Variants in IRGM observed in about 807,000 individuals in gnomAD.
The protein encoded by IRGM is immunity-related GTPase family M protein.
For missense variants in IRGM, 288 were observed against 219.9 expected, an observed-to-expected ratio of 1.31 and a Z score of -1.96; for synonymous variants, 98 against 80.6, an observed-to-expected ratio of 1.22 and a Z score of -1.16.
chr5:150,857,568 C>T (rs1240693903), intron 1 of IRGM, among the ~76,000 whole-genome samples: 2 of 151,198 alleles, frequency 1.3e-5, no homozygotes, highest in Non-Finnish European at 3.0e-5. Context: ...GTTCCTATTT[C>T]TCCACATCCT....
chr5:150,850,050 T>C (rs1301823988), downstream of IRGM, among the ~76,000 whole-genome samples: 1 of 152,214 alleles, frequency 6.6e-6, no homozygotes, highest in Non-Finnish European at 1.5e-5. Context: ...GTATAGATGG[T>C]AAAAGCATTC....
At chr5:150,868,769 T>C (rs1754240897) in intron 1 of IRGM, among the ~76,000 whole-genome samples, 1 of 152,176 alleles carries the variant, frequency 6.6e-6, no homozygotes, top group Admixed American at 6.5e-5. Flanking sequence ...ACATTCTTGA[T>C]TTGATTATCA....
At chr5:150,897,997 A>G in intron 3 of IRGM, 1 of 1,534,484 alleles carries the variant, frequency 6.5e-7, no homozygotes. Flanking sequence ...AGATTTTGAT[A>G]AGGATAGAAA....
chr5:150,888,994 A>T (rs570502488), intron 3 of IRGM, among the ~76,000 whole-genome samples: 2 of 152,024 alleles, frequency 1.3e-5, no homozygotes, highest in East Asian at 3.9e-4. Context: ...TATTATGTCT[A>T]TTCATGTTTC....
downstream of IRGM, among the ~76,000 whole-genome samples, chr5:150,848,897 C>G (rs1450406606): frequency 6.6e-6 from 1 of 152,040 alleles, no homozygotes; most frequent in Admixed American, 6.6e-5. Context: ...AACTCTCCAC[C>G]AGGTGCTAAA....
At chr5:150,887,400 A>G (rs1410628453) in intron 3 of IRGM, among the ~76,000 whole-genome samples, 1 of 152,056 alleles carries the variant, frequency 6.6e-6, no homozygotes, top group African/African-American at 2.4e-5. Context: ...AATAGGAAAG[A>G]ATTAAAAGGA....
rs1354786202 is a variant in IRGM at position 150,846,526 on chromosome 5, C to T, written c.-1110C>T. On this transcript the variant is annotated 5_prime_UTR_variant, in exon 1 of 2. Transcript: ENST00000522154. ...AGGCTGCCCGAACCAGCAGTGGTAA[C>T]CTGCTCAGGTCCCCTTCCATGCTGT... 4 of 152,242 alleles carry T rather than the reference C, an allele frequency of 2.6e-5. No individual in the cohort carries two copies. Among genetic ancestry groups the T allele is most frequent in the Admixed American group, 6.5e-5 (1 of 15,284 alleles). 9.4% of individuals were successfully genotyped at this position (152,242 alleles called of 1,614,324 possible).
intron 1 of IRGM, among the ~76,000 whole-genome samples, chr5:150,871,827 C>T (rs1754286901): frequency 6.6e-6 from 1 of 152,312 alleles, no homozygotes; most frequent in Middle Eastern, 3.4e-3. Context: ...CATTGTCTAA[C>T]CTCATAATAA....
At chr5:150,901,370 T>A (rs1754989784), downstream of IRGM, among the ~76,000 whole-genome samples, 1 of 152,202 alleles carries the variant, frequency 6.6e-6, no homozygotes, top group African/African-American at 2.4e-5. Flanking sequence ...TAAAAACTAC[T>A]AGTGAGTTTT....
At chr5:150,899,248 TC>T (rs1458669126) in intron 3 of IRGM, among the ~76,000 whole-genome samples, 3 of 152,034 alleles carry the variant, frequency 2.0e-5, no homozygotes, top group Non-Finnish European at 4.4e-5. Flanking sequence ...GTCACAGCAA[TC>T]CTAGCAAACC....
rs114407816 is a variant in IRGM at position 150,882,875 on chromosome 5, C to G, written c.*140+3229C>G. Among the ~76,000 whole-genome samples, 1,059 of 152,246 alleles carry G rather than the reference C, an allele frequency of 7.0e-3. 16 individuals carry two copies. The highest frequency in any genetic ancestry group is 0.024 in the African/African-American group (1,010 of 41,562). On this transcript the variant is annotated intron_variant and NMD_transcript_variant, in intron 3 of 3. Coordinates refer to the IRGM transcript ENST00000520549. Reference sequence around the variant, plus strand: ...TACACTTTAGACCAAAGGGACCTAACAGACATATACAGAAAATTTCATCCA... The same window carrying G: ...TACACTTTAGACCAAAGGGACCTAAGAGACATATACAGAAAATTTCATCCA...
At position 150,895,692 on chromosome 5, in the gene IRGM, G is replaced by A. The variant is rs201176485; in HGVS notation, c.*141-4897G>A. On this transcript the variant is annotated intron_variant and NMD_transcript_variant, in intron 3 of 3. Coordinates refer to the IRGM transcript ENST00000520549. ...AGTACATATATAAGGTTTTTCTCCT[G>A]TGTGAATTCTCTGATGTCCAATGAG... 347 of 1,613,466 alleles carry A rather than the reference G, an allele frequency of 2.2e-4. No homozygotes were observed. The highest frequency in any genetic ancestry group is 2.8e-4 in the Non-Finnish European group (325 of 1,179,808).
At chr5:150,871,061 AC>A (rs1754276321) in intron 1 of IRGM, among the ~76,000 whole-genome samples, 1 of 152,160 alleles carries the variant, frequency 6.6e-6, no homozygotes, top group Admixed American at 6.5e-5. Context: ...GATTTTGACT[AC>A]TTAAGGGGCT....
intron 1 of IRGM, among the ~76,000 whole-genome samples, chr5:150,867,673 C>A (rs11958265): frequency 0.029 from 4,327 of 151,818 alleles, 152 homozygotes; most frequent in South Asian, 0.076. Context: ...TTATAGTCAT[C>A]CTTGCAGGAG....
intron 1 of IRGM, among the ~76,000 whole-genome samples, chr5:150,862,241 A>G (rs1187569304): frequency 1.3e-5 from 2 of 152,260 alleles, no homozygotes; most frequent in Non-Finnish European, 2.9e-5. Flanking sequence ...TGTCATCAAA[A>G]TTAGCAAGGA....
At chr5:150,895,603 C>T in intron 3 of IRGM, 1 of 1,613,440 alleles carries the variant, frequency 6.2e-7, no homozygotes, top group Non-Finnish European at 8.5e-7. Context: ...TAAGGTTTCT[C>T]TCCTGTATGA....
intron 3 of IRGM, among the ~76,000 whole-genome samples, chr5:150,892,520 C>G (rs1754626713): frequency 6.6e-6 from 1 of 152,108 alleles, no homozygotes; most frequent in African/African-American, 2.4e-5. Context: ...CAAATAACAA[C>G]ACTTTTATCT....
At chr5:150,870,233 G>GT (rs772285086) in intron 1 of IRGM, among the ~76,000 whole-genome samples, 12 of 152,030 alleles carry the variant, frequency 7.9e-5, no homozygotes, top group South Asian at 2.1e-4. Context: ...CAACACATAG[G>GT]TGCACATCCC....
intron 1 of IRGM, among the ~76,000 whole-genome samples, chr5:150,870,890 G>A (rs569016033): frequency 6.6e-6 from 1 of 151,812 alleles, no homozygotes; most frequent in East Asian, 1.9e-4. Flanking sequence ...TTTCCCATTG[G>A]GTTTGACCAA....
Sources: gnomAD v4.1 joint callset for allele counts (sites outside exome capture counted in the v4.1 genomes callset) on GRCh38, gnomAD v4.1.1 for gene constraint, MANE v1.5 for transcripts, NCBI Gene and HGNC (gene_info 2026-07-23, HGNC 2026-07-21) for gene names.